Variants in KCNH1 observed in about 807,000 individuals in gnomAD.
KCNH1 encodes potassium voltage-gated channel subfamily H member 1.
A neutral mutation model predicts 69.2 loss-of-function variants in KCNH1; 27 were observed. The observed-to-expected ratio is 0.39, with a 90% CI of 0.29 to 0.54. The LOEUF is 0.54. KCNH1 is among the 20% of genes least tolerant of loss of function. KCNH1 has a pLI of 0.68. For synonymous variants in KCNH1, 456 were observed against 487.7 expected (o/e 0.93, Z 0.86); for missense variants, 798 against 1,261.6 (o/e 0.63, Z 5.57).
intron 6 of KCNH1, among the ~76,000 whole-genome samples, chr1:210,956,382 G>T (rs1464331660): frequency 1.3e-5 from 2 of 152,104 alleles, no homozygotes; most frequent in Admixed American, 6.6e-5. Context: ...TTGTGTCTCT[G>T]CCAGGCTTTG....
At chr1:210,923,065 T>C (rs975344284) in intron 6 of KCNH1, among the ~76,000 whole-genome samples, 1 of 152,140 alleles carries the variant, frequency 6.6e-6, no homozygotes, top group Admixed American at 6.6e-5. Context: ...AGAGAAGAGA[T>C]TAAAACGACA....
intron 7 of KCNH1, among the ~76,000 whole-genome samples, chr1:210,910,493 G>T (rs564201180): frequency 1.3e-5 from 2 of 152,354 alleles, no homozygotes; most frequent in African/African-American, 2.4e-5. Context: ...GCAACAAGGG[G>T]TTGTGGCTGC....
chr1:210,774,374 C>T (rs1394974796), intron 10 of KCNH1, among the ~76,000 whole-genome samples: 3 of 152,046 alleles, frequency 2.0e-5, no homozygotes, highest in African/African-American at 7.2e-5. Context: ...AGGCAAAGTA[C>T]TGACTTAGAG....
At chr1:210,868,051 G>A (rs1255119068) in intron 7 of KCNH1, among the ~76,000 whole-genome samples, 1 of 151,976 alleles carries the variant, frequency 6.6e-6, no homozygotes, top group African/African-American at 2.4e-5. Flanking sequence ...GGTCTTATAA[G>A]TGTATGCCTA....
chr1:210,714,888 T>C (rs115853754), intron 10 of KCNH1, among the ~76,000 whole-genome samples: 3,838 of 152,212 alleles, frequency 0.025, 158 homozygotes, highest in African/African-American at 0.085. Context: ...AACCTCATTT[T>C]CCCCCAGCCA....
At chr1:211,071,366 C>A (rs1690639504) in intron 5 of KCNH1, among the ~76,000 whole-genome samples, 1 of 152,062 alleles carries the variant, frequency 6.6e-6, no homozygotes, top group Non-Finnish European at 1.5e-5. Flanking sequence ...TTGATGAGAA[C>A]CTTGAGAGAT....
At chr1:210,858,225 T>A (rs1239229579) in intron 7 of KCNH1, 2 of 152,230 alleles carry the variant, frequency 1.3e-5, no homozygotes, top group Non-Finnish European at 2.9e-5. Context: ...GTTAACATGC[T>A]CTAGATACCA....
chr1:210,887,542 C>T (rs1165681499), intron 7 of KCNH1, among the ~76,000 whole-genome samples: 1 of 151,962 alleles, frequency 6.6e-6, no homozygotes, highest in Non-Finnish European at 1.5e-5. Context: ...TCACACATAA[C>T]CATATTAACC....
At chr1:211,089,936 C>A (rs1031705678) in intron 4 of KCNH1, among the ~76,000 whole-genome samples, 1 of 152,232 alleles carries the variant, frequency 6.6e-6, no homozygotes, top group Non-Finnish European at 1.5e-5. Flanking sequence ...CCTGAGCCAT[C>A]TCCTTTCCTG....
chr1:210,988,935 T>A (rs545460871), intron 6 of KCNH1, among the ~76,000 whole-genome samples: 1 of 152,360 alleles, frequency 6.6e-6, no homozygotes, highest in South Asian at 2.1e-4. Flanking sequence ...GCTTTGTGTG[T>A]CTCTATCATG....
At chr1:210,744,277 T>C (rs905785412) in intron 10 of KCNH1, among the ~76,000 whole-genome samples, 1 of 152,194 alleles carries the variant, frequency 6.6e-6, no homozygotes, top group Non-Finnish European at 1.5e-5. Context: ...TGCAGCATTG[T>C]AGAATTTGTC....
intron 5 of KCNH1, among the ~76,000 whole-genome samples, chr1:211,075,151 A>G (rs1009143254): frequency 6.6e-6 from 1 of 152,198 alleles, no homozygotes; most frequent in Admixed American, 6.5e-5. Flanking sequence ...AGCAGCAGAG[A>G]AAGTACAGGC....
intron 7 of KCNH1, among the ~76,000 whole-genome samples, chr1:210,812,805 T>C (rs1684734740): frequency 6.6e-6 from 1 of 152,214 alleles, no homozygotes; most frequent in East Asian, 1.9e-4. Context: ...TTAAATTTTC[T>C]GCTTTCTATG....
At chr1:210,753,735 G>A (rs1412085206) in intron 10 of KCNH1, among the ~76,000 whole-genome samples, 1 of 152,062 alleles carries the variant, frequency 6.6e-6, no homozygotes, top group Non-Finnish European at 1.5e-5. Flanking sequence ...ATTCTCCCCA[G>A]GCCCTACCCC....
At chr1:211,107,793 G>C (rs1273510788) in intron 1 of KCNH1, among the ~76,000 whole-genome samples, 1 of 152,080 alleles carries the variant, frequency 6.6e-6, no homozygotes, top group Non-Finnish European at 1.5e-5. Context: ...CAGTCTTTTG[G>C]CCAGAAGCTA....
Position 210,819,876 on chromosome 1 carries a change from GTTC to G in KCNH1, c.1463-15713_1463-15711del, listed in dbSNP as rs1408886731. Among the ~76,000 whole-genome samples, 22 of 152,286 alleles carry G rather than the reference GTTC, an allele frequency of 1.4e-4. No individual in the cohort carries two copies. In the East Asian group the frequency reaches 2.3e-3, roughly 16 times the overall value. On this transcript the variant is annotated intron_variant, in intron 7 of 10. Transcript: ENST00000271751. ...AAAAAGGGATTTTGGCTTCTGAATCGTTCTTCTGGATTGCTTGCTCTGGGCGAA... is the reference window on the plus strand; with the variant it reads ...AAAAAGGGATTTTGGCTTCTGAATCGTTCTGGATTGCTTGCTCTGGGCGAA...
intron 7 of KCNH1, among the ~76,000 whole-genome samples, chr1:210,817,771 G>A (rs1439468476): frequency 6.6e-6 from 1 of 152,178 alleles, no homozygotes; most frequent in Non-Finnish European, 1.5e-5. Context: ...TAGTTAGTAA[G>A]CATACATAGA....
chr1:210,786,786 A>G (rs1318118644), intron 9 of KCNH1, among the ~76,000 whole-genome samples: 1 of 152,222 alleles, frequency 6.6e-6, no homozygotes, highest in Non-Finnish European at 1.5e-5. Flanking sequence ...ATCCCAGTGA[A>G]GTCATCCAAG....
intron 5 of KCNH1, among the ~76,000 whole-genome samples, chr1:211,038,966 A>G (rs1251196081): frequency 6.6e-6 from 1 of 152,194 alleles, no homozygotes; most frequent in Non-Finnish European, 1.5e-5. Context: ...CCTAATATGA[A>G]TCCCCAAGAC....
Sources: allele counts gnomAD v4.1 joint callset (sites outside exome capture counted in the v4.1 genomes callset), GRCh38; gene constraint gnomAD v4.1.1; transcripts MANE v1.5; gene names NCBI Gene and HGNC (gene_info 2026-07-23, HGNC 2026-07-21).